NUBP2: variants seen among roughly 807,000 people sequenced by gnomAD.
The protein encoded by NUBP2 is NUBP iron-sulfur cluster assembly factor 2, cytosolic.
Under a neutral mutation model 24.9 loss-of-function variants are expected in NUBP2, and 23 were observed. That is an observed-to-expected ratio of 0.92 (90% CI 0.66 to 1.31). The LOEUF (loss-of-function observed/expected upper bound fraction) is 1.31, where lower values mean the gene tolerates loss of function less well. Ranked by LOEUF, NUBP2 falls within the 50% of genes most tolerant of loss-of-function variation. NUBP2 has a pLI of 0.00. For synonymous variants in NUBP2, 186 were observed against 170.9 expected (o/e 1.09, Z -0.69); for missense variants, 403 against 386.5 (o/e 1.04, Z -0.36).
chr16:1,784,588 T>C (rs1896874904), intron 1 of NUBP2: 1 of 151,430 alleles, frequency 6.6e-6, no homozygotes, highest in Non-Finnish European at 1.5e-5. Flanking sequence ...GTATTTTTAG[T>C]AGAGACAGGG....
rs746698341 is a variant in NUBP2, at chr16:1,788,591, G to A, written c.693G>A (p.Ala231=). The change falls in exon 7 of 7, where the codon GCG becomes GCA. Residue 231 remains alanine, a synonymous_variant. Coordinates refer to ENST00000262302, the MANE Select transcript of NUBP2 (RefSeq NM_012225.4). ...CAGGCTCCGTGCCCCTGGACCCTGC[G>A]CTCATGAGGACCCTGGAGGAGGGCC... ...PFLGSVPLDP[A]LMRTLEEGHD... 4.4e-5 allele frequency: 71 copies of A among 1,608,222 alleles called. 1 individual carries two copies. In the Middle Eastern group the frequency reaches 4.6e-3, roughly 105 times the overall value.
At position 1,788,796 on chromosome 16, in the gene NUBP2, T is replaced by C; in HGVS notation, c.*82T>C. On this transcript the variant is annotated 3_prime_UTR_variant, in exon 7 of 7. Transcript: ENST00000262302. ...CAGAGAAACAGAGGCCTGGGCTCGG[T>C]TCCCGGGCCCTGCAGGGGCAGGCCC... 2 of 1,473,124 alleles carry C rather than the reference T, an allele frequency of 1.4e-6. No individual in the cohort carries two copies. Among genetic ancestry groups the C allele is most frequent in the Non-Finnish European group, 1.8e-6 (2 of 1,107,388 alleles). 91.3% of individuals were successfully genotyped at this position (1,473,124 alleles called of 1,614,324 possible).
chr16:1,788,062 G>C lies in NUBP2; in HGVS notation c.600+11G>C. On this transcript the variant is annotated intron_variant, in intron 5 of 6. Coordinates refer to ENST00000262302, the MANE Select transcript of NUBP2 (RefSeq NM_012225.4). ...TGCCCACACTGCACGGTGAGTCCCG[G>C]GGGTTGCAGAGGGGGCGAGGCAGCA... 6.3e-7 allele frequency: 1 copy of C among 1,577,300 alleles called. No individual in the cohort carries two copies. Among genetic ancestry groups the C allele is most frequent in the Non-Finnish European group, 8.6e-7 (1 of 1,164,738 alleles).
chr16:1,783,012 G>A lies in NUBP2; in HGVS notation c.-9G>A. 1.4e-6 allele frequency: 2 copies of A among 1,393,620 alleles called. No homozygotes were observed. The highest frequency in any genetic ancestry group is 1.9e-6 in the Non-Finnish European group (2 of 1,069,578). The allele number at this position is 1,393,620 out of a possible 1,614,324, so 86.3% of individuals were successfully genotyped here. ...CGGACTGCAGCCGCGAGCTCCTGGA[G>A]GCGGCGGGATGGAGGCGGCGGCCGG... On this transcript the variant is annotated 5_prime_UTR_variant, in exon 1 of 7. Coordinates refer to ENST00000262302, the MANE Select transcript of NUBP2 (RefSeq NM_012225.4).
At chr16:1,783,399 G>C (rs1212126371) in intron 1 of NUBP2, 32 of 1,051,360 alleles carry the variant, frequency 3.0e-5, no homozygotes, top group Non-Finnish European at 3.7e-5. Flanking sequence ...GCGAGACCCT[G>C]TCTCTAAATA....
In NUBP2 at chr16:1,787,080, C is replaced by T. The variant is rs1036424859; in HGVS notation, c.334+125C>T. 33 of 888,028 alleles carry T rather than the reference C, an allele frequency of 3.7e-5. No homozygotes were observed. In the South Asian group the frequency reaches 5.1e-4, roughly 14 times the overall value. 55.0% of individuals were successfully genotyped at this position (888,028 alleles called of 1,614,324 possible). On this transcript the variant is annotated intron_variant, in intron 3 of 6. Coordinates refer to ENST00000262302, the MANE Select transcript of NUBP2 (RefSeq NM_012225.4). ...CCTGGGGACCTGCACATGACACCCA[C>T]GACCAGGCACAGGGCTCAGGCTGGC...
intron 3 of NUBP2, chr16:1,787,383 A>T (rs1409814943): frequency 4.0e-6 from 2 of 501,776 alleles, no homozygotes; most frequent in Non-Finnish European, 7.1e-6. Context: ...ATGTGTGGGT[A>T]CAGACGCCTG....
chr16:1,784,604 C>A (rs1896876103), intron 1 of NUBP2: 1 of 151,718 alleles, frequency 6.6e-6, no homozygotes, highest in Non-Finnish European at 1.5e-5. Context: ...CAGGGTTTCG[C>A]CATGTTGGCC....
Position 1,787,709 on chromosome 16 carries a change from TG to T in NUBP2, c.373del (p.Glu125SerfsTer21). 6.2e-7 allele frequency: 1 copy of T among 1,612,580 alleles called. No individual in the cohort carries two copies. Among genetic ancestry groups the T allele is most frequent in the South Asian group, 1.1e-5 (1 of 91,088 alleles). ...AAAGCAGTTTGTGTCCGACGTGGCCTGGGGGGAGCTGGACTACCTGGTGGTG... is the reference window on the plus strand; with the variant it reads ...AAAGCAGTTTGTGTCCGACGTGGCCTGGGGGAGCTGGACTACCTGGTGGTG... The part of the protein sequence containing the change: ...LIKQFVSDVA[W>X]GELDYLVVDT... On this transcript the variant is annotated frameshift_variant, in exon 4 of 7. Transcript: ENST00000262302. LOFTEE classifies it high-confidence loss of function.
At chr16:1,786,338 TC>T in intron 1 of NUBP2, 198 bp from the exon 2 acceptor site, 7 of 595,242 alleles carry the variant, frequency 1.2e-5, no homozygotes, top group Admixed American at 3.0e-5. Context: ...TCTTAGAGGG[TC>T]CCCCCGGGTC....
chr16:1,788,489 G>A (rs1255384939), intron 6 of NUBP2, 80 bp from the exon 7 acceptor site: 72 of 1,470,758 alleles, frequency 4.9e-5, no homozygotes, highest in Non-Finnish European at 1.3e-5. Context: ...GGCCACGGGT[G>A]GTTCGGGTGC....
chr16:1,784,440 A>C (rs1297358347), intron 1 of NUBP2: 1 of 151,706 alleles, frequency 6.6e-6, no homozygotes, highest in Non-Finnish European at 1.5e-5. Context: ...TCCGTTGCCC[A>C]GGCTGGAGTG....
In NUBP2 at chr16:1,788,859, C is replaced by G; in HGVS notation, c.*145C>G. 9.3e-7 allele frequency: 1 copy of G among 1,071,492 alleles called. No homozygotes were observed. Among genetic ancestry groups the G allele is most frequent in the East Asian group, 2.7e-5 (1 of 37,158 alleles). The allele number at this position is 1,071,492 out of a possible 1,614,324, so 66.4% of individuals were successfully genotyped here. A position where few individuals can be genotyped will look rare whatever the true frequency, so the allele number is the denominator to read the frequency against. ...CCGGAGAGCTTCTCCCCGACCAGCCCAGCCCCAGGATGTGTCGCACCAGCA... is the reference window on the plus strand; with the variant it reads ...CCGGAGAGCTTCTCCCCGACCAGCCGAGCCCCAGGATGTGTCGCACCAGCA... On this transcript the variant is annotated 3_prime_UTR_variant, in exon 7 of 7. Transcript: ENST00000262302.
chr16:1,786,378 C>T lies in NUBP2; in HGVS notation c.17-159C>T, dbSNP rs1896965899. ...GGCTGCAGGGGACCTGCCTGGAGGT[C>T]TTTACATCGGGGCGAAGTGGGGCAC... On this transcript the variant is annotated intron_variant, in intron 1 of 6. Transcript: ENST00000262302. 1.0e-5 allele frequency: 7 copies of T among 701,468 alleles called. No homozygotes were observed. In the South Asian group the frequency reaches 1.3e-4, roughly 13 times the overall value. The allele number at this position is 701,468 out of a possible 1,614,324, so 43.5% of individuals were successfully genotyped here.
chr16:1,784,013 AGAG>A (rs1896847009), intron 1 of NUBP2: 2 of 985,134 alleles, frequency 2.0e-6, no homozygotes, highest in African/African-American at 1.7e-5. Flanking sequence ...GTCTTATTCC[AGAG>A]GAGAAGCCTG....
Position 1,782,982 on chromosome 16 carries a change from G to GT in NUBP2, c.-38dup. On this transcript the variant is annotated 5_prime_UTR_variant, in exon 1 of 7. Coordinates refer to ENST00000262302, the MANE Select transcript of NUBP2 (RefSeq NM_012225.4). ...GCTGGGAGGCTGACGGCCCGCGGGC[G>GT]TAAGCGGACTGCAGCCGCGAGCTCC... 7.1e-7 allele frequency: 1 copy of GT among 1,403,716 alleles called. No homozygotes were observed. The highest frequency in any genetic ancestry group is 1.4e-5 in the South Asian group (1 of 69,258). 87.0% of individuals were successfully genotyped at this position (1,403,716 alleles called of 1,614,324 possible). A position where few individuals can be genotyped will look rare whatever the true frequency, so the allele number is the denominator to read the frequency against.
intron 4 of NUBP2, 29 bp from the exon 5 acceptor site, chr16:1,787,912 T>C: frequency 2.5e-6 from 4 of 1,601,314 alleles, no homozygotes; most frequent in Non-Finnish European, 3.4e-6. Context: ...TGCGCCTGGC[T>C]GACCGTGGCC....
chr16:1,788,464 C>T (rs747749821), intron 6 of NUBP2, 105 bp from the exon 7 acceptor site: 1 of 1,415,164 alleles, frequency 7.1e-7, no homozygotes, highest in Non-Finnish European at 9.3e-7. Flanking sequence ...CTGGCAGCGC[C>T]TCAATCCCCT....
Position 1,786,855 on chromosome 16 carries a change from C to T in NUBP2, c.234C>T (p.Pro78=), listed in dbSNP as rs780695974. ...AVHQCDRGWA[P]VFLDREQSIS... ...ACCAGTGCGACCGCGGCTGGGCACC[C>T]GTCTTCCTGGACCGGGAGCAGAGCA... Residue 78 remains proline (P), a synonymous_variant, in exon 3 of 7, where the codon CCC becomes CCT. Coordinates refer to ENST00000262302, the MANE Select transcript of NUBP2 (RefSeq NM_012225.4). 3 of 1,593,196 alleles carry T rather than the reference C, an allele frequency of 1.9e-6. No homozygotes were observed. The highest frequency in any genetic ancestry group is 2.6e-6 in the Non-Finnish European group (3 of 1,165,836).
Sources: gnomAD v4.1 joint callset for allele counts on GRCh38, gnomAD v4.1.1 for gene constraint, MANE v1.5 for transcripts, NCBI Gene and HGNC (gene_info 2026-07-23, HGNC 2026-07-21) for gene names.